LLCFC1: variants seen among roughly 807,000 people sequenced by gnomAD.
LLCFC1 encodes the protein sperm-egg fusion protein LLCFC1.
LLCFC1 carries 14 observed loss-of-function variants against 9.8 expected under a neutral mutation model. That is an observed-to-expected ratio of 1.43 (90% CI 0.95 to 2.24). LLCFC1 has a LOEUF of 2.24. Ranked by LOEUF, LLCFC1 falls within the 30% of genes most tolerant of loss-of-function variation. The probability of loss-of-function intolerance (pLI) is 0.00; values close to 1 mark genes in which losing one functional copy is unlikely to be tolerated. For missense variants in LLCFC1, 162 were observed against 148.0 expected (o/e 1.09, Z -0.49); for synonymous variants, 70 against 58.8 (o/e 1.19, Z -0.87).
intron 1 of LLCFC1, 43 bp from the exon 2 acceptor site, chr7:142,940,309 G>T: frequency 6.5e-7 from 1 of 1,528,898 alleles, no homozygotes; most frequent in Non-Finnish European, 9.1e-7. Context: ...TCTGGTTCAG[G>T]CCAGGGTCAG....
intron 1 of LLCFC1, 34 bp downstream of exon 1, chr7:142,939,788 A>C: frequency 1.3e-6 from 2 of 1,577,184 alleles, no homozygotes; most frequent in South Asian, 1.2e-5. Context: ...CCATACAGAG[A>C]AAACACCCTC....
Position 142,939,616 on chromosome 7 carries a change from A to C in LLCFC1, c.-6A>C. ...GGGCGGCCAAAGGCAGTGGGTGGGC[A>C]GGTCCATGCCTCCCCTGGCCCCCCA... On this transcript the variant is annotated 5_prime_UTR_variant, in exon 1 of 2. Coordinates refer to ENST00000409607, the MANE Select transcript of LLCFC1 (RefSeq NM_001382496.1). 1 of 1,609,716 alleles carries C rather than the reference A, an allele frequency of 6.2e-7. No individual in the cohort carries two copies. The highest frequency in any genetic ancestry group is 8.5e-7 in the Non-Finnish European group (1 of 1,177,926).
rs139004705 is a variant in LLCFC1 at position 142,940,563 on chromosome 7, A to G, written c.345A>G (p.Gln115=). Residue 115 remains glutamine (Q), a synonymous_variant, in exon 2 of 2, where the codon CAA becomes CAG. Transcript: ENST00000409607. ...TGAGGCGGACATTCCCAAATATCCAACTCTGCTTCATGCTCACTCACTGAC... is the reference window on the plus strand; with the variant it reads ...TGAGGCGGACATTCCCAAATATCCAGCTCTGCTTCATGCTCACTCACTGAC... The part of the protein sequence containing the change: ...GPLRRTFPNI[Q]LCFMLTH 6.2e-6 allele frequency: 10 copies of G among 1,613,570 alleles called. No homozygotes were observed. Among genetic ancestry groups the G allele is most frequent in the East Asian group, 4.5e-5 (2 of 44,860 alleles).
In LLCFC1 at chr7:142,940,534, C is replaced by A; in HGVS notation, c.316C>A (p.Pro106Thr). The change falls in exon 2 of 2, where the codon CCA (proline) becomes ACA (threonine). Residue 106 changes from proline (P) to threonine (T), a missense_variant. Coordinates refer to ENST00000409607, the MANE Select transcript of LLCFC1 (RefSeq NM_001382496.1). ...LASVMVFSGG[P>T]LRRTFPNIQL... is the part of the protein sequence containing the mutation. ...CAGTGTCATGGTTTTCTCAGGAGGG[C>A]CATTGAGGCGGACATTCCCAAATAT... 6.2e-7 allele frequency: 1 copy of A among 1,614,166 alleles called. No homozygotes were observed. Among genetic ancestry groups the A allele is most frequent in the Non-Finnish European group, 8.5e-7 (1 of 1,180,028 alleles).
Position 142,940,392 on chromosome 7 carries a change from C to A in LLCFC1, c.174C>A (p.Ser58=). 6.2e-7 allele frequency: 1 copy of A among 1,614,150 alleles called. No individual in the cohort carries two copies. Among genetic ancestry groups the A allele is most frequent in the Non-Finnish European group, 8.5e-7 (1 of 1,180,020 alleles). The change falls in exon 2 of 2, where the codon TCC becomes TCA. Residue 58 remains serine (S), a synonymous_variant. Coordinates refer to ENST00000409607, the MANE Select transcript of LLCFC1 (RefSeq NM_001382496.1). ...QEQFEEHFVA[S]SVGEMWQVVD... is the part of the protein sequence containing the mutation. ...AGTTCGAAGAGCACTTTGTGGCCTC[C>A]TCAGTGGGTGAGATGTGGCAGGTGG...
At chr7:142,939,869 A>G in intron 1 of LLCFC1, 115 bp downstream of exon 1, 1 of 1,054,412 alleles carries the variant, frequency 9.5e-7, no homozygotes. Context: ...GCCAGGCCCC[A>G]GGTCACTGAT....
At position 142,940,519 on chromosome 7, in the gene LLCFC1, G is replaced by A. The variant is rs781553552; in HGVS notation, c.301G>A (p.Val101Ile). The change falls in exon 2 of 2, where the codon GTT becomes ATT. Residue 101 changes from valine to isoleucine, a missense_variant. Coordinates refer to ENST00000409607, the MANE Select transcript of LLCFC1 (RefSeq NM_001382496.1). Reference protein sequence around the residue: ...SFCFSLASVMVFSGGPLRRTF... With the variant: ...SFCFSLASVMIFSGGPLRRTF... Reference sequence around the variant, plus strand: ...CTGCTTTAGTCTGGCCAGTGTCATGGTTTTCTCAGGAGGGCCATTGAGGCG... The same window carrying A: ...CTGCTTTAGTCTGGCCAGTGTCATGATTTTCTCAGGAGGGCCATTGAGGCG... The A allele has an allele frequency of 3.7e-6, 6 of 1,614,168 alleles. No homozygotes were observed. The South Asian group carries it at 5.5e-5, about 15-fold the overall frequency.
chr7:142,940,106 GGTGTGTGTGT>G (rs782240164), intron 1 of LLCFC1, among the ~76,000 whole-genome samples: 27,990 of 128,838 alleles, frequency 0.22, 3,358 homozygotes, highest in East Asian at 0.49. Flanking sequence ...CCTTAGGAAT[GGTGTGTGTGT>G]GTGTGTGTGT....
In LLCFC1 at chr7:142,939,738, G is replaced by C. The variant is rs1410109887; in HGVS notation, c.117G>C (p.Glu39Asp). ...GCCCCAAAGATGGGAGCCAGACAGA[G>C]AAAACGCCCTCTGCAGGTAGGTGGA... Reference protein sequence around the residue: ...SPGPKDGSQTEKTPSADQNQE... With the variant: ...SPGPKDGSQTDKTPSADQNQE... The change falls in exon 1 of 2, where the codon GAG becomes GAC. Residue 39 changes from glutamate (E) to aspartate (D), a missense_variant. Physicochemically the swap from Glu to Asp is conservative, Grantham distance 45 (BLOSUM62 2). Transcript: ENST00000409607. 1 of 1,611,826 alleles carries C rather than the reference G, an allele frequency of 6.2e-7. No homozygotes were observed. The highest frequency in any genetic ancestry group is 2.2e-5 in the East Asian group (1 of 44,866).
At chr7:142,939,821 C>A in intron 1 of LLCFC1, 67 bp downstream of exon 1, 1 of 1,498,156 alleles carries the variant, frequency 6.7e-7, no homozygotes, top group Non-Finnish European at 9.0e-7. Context: ...GAAAAAAAGA[C>A]GGGAGAGTCT....
chr7:142,940,342 C>T lies in LLCFC1; in HGVS notation c.134-10C>T, dbSNP rs1014681130. ...CAGGGCTCAGTCCTTGTCCTTTTCC[C>T]CTGTTCCAGACCAGAATCAAGAACA... On this transcript the variant is annotated splice_polypyrimidine_tract_variant and intron_variant, in intron 1 of 1. Coordinates refer to ENST00000409607, the MANE Select transcript of LLCFC1 (RefSeq NM_001382496.1). 2.5e-6 allele frequency: 4 copies of T among 1,609,466 alleles called. No individual in the cohort carries two copies. In the African/African-American group the frequency reaches 5.3e-5, roughly 22 times the overall value.
intron 1 of LLCFC1, among the ~76,000 whole-genome samples, chr7:142,940,106 GGTGTGT>G (rs782240164): frequency 0.21 from 26,816 of 128,668 alleles, 2,555 homozygotes; most frequent in South Asian, 0.28. Context: ...CCTTAGGAAT[GGTGTGT>G]GTGTGTGTGT....
At chr7:142,940,197 C>A (rs1796310536) in intron 1 of LLCFC1, among the ~76,000 whole-genome samples, 155 bp from the exon 2 acceptor site, 1 of 149,280 alleles carries the variant, frequency 6.7e-6, no homozygotes, top group Admixed American at 6.7e-5. Context: ...CCAGAAAAAA[C>A]CTCTAGAAAG....
Position 142,940,825 on chromosome 7 carries a change from C to T in LLCFC1, c.*238C>T, listed in dbSNP as rs1234259506. On this transcript the variant is annotated 3_prime_UTR_variant, in exon 2 of 2. Transcript: ENST00000409607. ...TTTGTTCAGGACAGCAGATTAGAGG[C>T]AGGAGGCAATGACAATAAAATAACG... 11 of 597,420 alleles carry T rather than the reference C, an allele frequency of 1.8e-5. No individual in the cohort carries two copies. The South Asian group carries it at 2.1e-4, about 11-fold the overall frequency. 37.0% of individuals were successfully genotyped at this position (597,420 alleles called of 1,614,324 possible). A position where few individuals can be genotyped will look rare whatever the true frequency, so the allele number is the denominator to read the frequency against.
In LLCFC1 at chr7:142,940,853, A is replaced by G; in HGVS notation, c.*266A>G. On this transcript the variant is annotated 3_prime_UTR_variant, in exon 2 of 2. Coordinates refer to ENST00000409607, the MANE Select transcript of LLCFC1 (RefSeq NM_001382496.1). Reference sequence around the variant, plus strand: ...GAGGCAATGACAATAAAATAACGATAAAATCCTGAGAACAATTGGGAGCAG... The same window carrying G: ...GAGGCAATGACAATAAAATAACGATGAAATCCTGAGAACAATTGGGAGCAG... 2 of 588,516 alleles carry G rather than the reference A, an allele frequency of 3.4e-6. No homozygotes were observed. Among genetic ancestry groups the G allele is most frequent in the South Asian group, 4.2e-5 (2 of 47,864 alleles). The allele number at this position is 588,516 out of a possible 1,614,324, so 36.5% of individuals were successfully genotyped here.
intron 1 of LLCFC1, among the ~76,000 whole-genome samples, chr7:142,940,020 C>T (rs1015734018): frequency 6.6e-6 from 1 of 151,920 alleles, no homozygotes; most frequent in African/African-American, 2.4e-5. Flanking sequence ...AAGCATGGTG[C>T]ATTTGGCTGG....
At chr7:142,939,902 T>C (rs1796301366) in intron 1 of LLCFC1, 148 bp downstream of exon 1, 1 of 729,178 alleles carries the variant, frequency 1.4e-6, no homozygotes, top group Non-Finnish European at 2.2e-6. Context: ...AGACCTGACA[T>C]AGGTCTGGTT....
chr7:142,940,272 G>A (rs1796312265), intron 1 of LLCFC1, 80 bp from the exon 2 acceptor site: 21 of 1,115,842 alleles, frequency 1.9e-5, no homozygotes, highest in Non-Finnish European at 2.7e-5. Context: ...AGGCTTCAAC[G>A]TGTTTTTCCT....
Position 142,940,699 on chromosome 7 carries a change from T to A in LLCFC1, c.*112T>A. On this transcript the variant is annotated 3_prime_UTR_variant, in exon 2 of 2. Transcript: ENST00000409607. ...CAAGGTTCAGCAGCAGAGATACCAGTTGCCATCAGTGCTAACTGACTGCCT... is the reference window on the plus strand; with the variant it reads ...CAAGGTTCAGCAGCAGAGATACCAGATGCCATCAGTGCTAACTGACTGCCT... 1.1e-6 allele frequency: 1 copy of A among 930,214 alleles called. No homozygotes were observed. Among genetic ancestry groups the A allele is most frequent in the Non-Finnish European group, 1.7e-6 (1 of 600,234 alleles). 57.6% of individuals were successfully genotyped at this position (930,214 alleles called of 1,614,324 possible). A position where few individuals can be genotyped will look rare whatever the true frequency, so the allele number is the denominator to read the frequency against.
Sources: gnomAD v4.1 joint callset for allele counts (sites outside exome capture counted in the v4.1 genomes callset) on GRCh38, gnomAD v4.1.1 for gene constraint, MANE v1.5 for transcripts, NCBI Gene and HGNC (gene_info 2026-07-23, HGNC 2026-07-21) for gene names.